The following EBF1 variants were observed in gnomAD, a reference collection of about 807,000 sequenced individuals.
The protein encoded by EBF1 is transcription factor COE1.
A neutral mutation model predicts 68.4 loss-of-function variants in EBF1; 10 were observed. That is an observed-to-expected ratio of 0.15 (90% CI 0.09 to 0.25). EBF1 has a LOEUF of 0.25. Ranked by LOEUF, EBF1 falls within the 10% of genes least tolerant of loss-of-function variation. The probability of loss-of-function intolerance (pLI) is 1.00; values close to 1 mark genes in which losing one functional copy is unlikely to be tolerated. For synonymous variants in EBF1, 298 were observed against 299.8 expected (o/e 0.99, Z 0.06); for missense variants, 509 against 794.4 (o/e 0.64, Z 4.32).
chr5:158,931,154 T>C (rs1300312786), intron 6 of EBF1, among the ~76,000 whole-genome samples: 3 of 152,252 alleles, frequency 2.0e-5, no homozygotes, highest in Non-Finnish European at 2.9e-5. Context: ...CCCACTAAGC[T>C]GCCCATTTCT....
At chr5:158,973,285 C>T (rs1756026033) in intron 6 of EBF1, among the ~76,000 whole-genome samples, 1 of 152,128 alleles carries the variant, frequency 6.6e-6, no homozygotes, top group East Asian at 1.9e-4. Context: ...TTTCCACCCT[C>T]TTGATGCACC....
chr5:158,931,935 C>T (rs1464616242), intron 6 of EBF1, among the ~76,000 whole-genome samples: 7 of 145,316 alleles, frequency 4.8e-5, no homozygotes, highest in Admixed American at 4.6e-4. Context: ...CTTCTCTTCA[C>T]AGTTTTTTTT....
intron 6 of EBF1, among the ~76,000 whole-genome samples, chr5:158,941,662 G>A (rs1201208172): frequency 6.6e-6 from 1 of 152,106 alleles, no homozygotes; most frequent in Non-Finnish European, 1.5e-5. Context: ...TTGGTATAGT[G>A]GGGGTGTGAT....
At chr5:159,097,807 C>T (rs1562013280) in intron 1 of EBF1, among the ~76,000 whole-genome samples, 1 of 152,242 alleles carries the variant, frequency 6.6e-6, no homozygotes, top group Non-Finnish European at 1.5e-5. Flanking sequence ...TCCTCACACT[C>T]ATTCCAGAAA....
chr5:158,960,280 C>T (rs1203209822), intron 6 of EBF1, among the ~76,000 whole-genome samples: 5 of 151,962 alleles, frequency 3.3e-5, no homozygotes, highest in East Asian at 3.8e-4. Context: ...TCAAAAATTG[C>T]CACTTAAATA....
intron 6 of EBF1, among the ~76,000 whole-genome samples, chr5:158,872,304 C>T (rs1797021630): frequency 6.6e-6 from 1 of 151,882 alleles, no homozygotes; most frequent in Non-Finnish European, 1.5e-5. Context: ...TCCATCGATT[C>T]TCTTGTCTCA....
In EBF1 at chr5:158,699,299, G is replaced by A. The variant is rs143516330; in HGVS notation, c.1745-157C>T. Among the ~76,000 whole-genome samples, 489 of 151,412 alleles carry A rather than the reference G, an allele frequency of 3.2e-3. 3 individuals carry two copies. Among genetic ancestry groups the A allele is most frequent in the South Asian group, 8.5e-3 (41 of 4,800 alleles). On this transcript the variant is annotated intron_variant, in intron 15 of 15. Transcript: ENST00000313708. ...CTCATCTTCTCTGGAATGAATTTTC[G>A]TTATAAAATATACATGTGCTTTATT...
chr5:159,056,958 G>A (rs911795119), intron 6 of EBF1, among the ~76,000 whole-genome samples: 5 of 152,102 alleles, frequency 3.3e-5, no homozygotes, highest in Non-Finnish European at 5.9e-5. Context: ...TTGTCGCACG[G>A]TGTTATATGA....
At chr5:158,723,153 A>T (rs1762289539) in intron 11 of EBF1, among the ~76,000 whole-genome samples, 1 of 152,168 alleles carries the variant, frequency 6.6e-6, no homozygotes, top group East Asian at 1.9e-4. Context: ...GTCTGCATTT[A>T]CATGTGAATT....
chr5:158,972,918 G>C (rs933361306), intron 6 of EBF1, among the ~76,000 whole-genome samples: 1 of 152,186 alleles, frequency 6.6e-6, no homozygotes, highest in Non-Finnish European at 1.5e-5. Context: ...CTAGCTATCC[G>C]CAAGGCTCTG....
intron 6 of EBF1, among the ~76,000 whole-genome samples, chr5:159,027,673 A>G (rs1428493524): frequency 1.3e-5 from 2 of 152,288 alleles, no homozygotes; most frequent in South Asian, 2.1e-4. Flanking sequence ...GTTCTTTATC[A>G]TAGTCACTGC....
chr5:159,005,237 C>T (rs1243835278), intron 6 of EBF1, among the ~76,000 whole-genome samples: 1 of 152,140 alleles, frequency 6.6e-6, no homozygotes, highest in Non-Finnish European at 1.5e-5. Context: ...ATTTTAATAC[C>T]AGAGAATGAA....
At chr5:158,705,272 C>T (rs193110249) in intron 15 of EBF1, among the ~76,000 whole-genome samples, 6 of 152,336 alleles carry the variant, frequency 3.9e-5, no homozygotes, top group Admixed American at 2.6e-4. Context: ...TGAACCACCA[C>T]GCCCAGTCCA....
At chr5:158,913,662 C>T (rs758293130) in intron 6 of EBF1, among the ~76,000 whole-genome samples, 3 of 152,102 alleles carry the variant, frequency 2.0e-5, no homozygotes, top group South Asian at 2.1e-4. Context: ...AAAGGGCCCT[C>T]GGTATGGGTT....
At chr5:158,784,415 C>T (rs114328021) in intron 9 of EBF1, among the ~76,000 whole-genome samples, 1 of 152,236 alleles carries the variant, frequency 6.6e-6, no homozygotes, top group Non-Finnish European at 1.5e-5. Context: ...TTTTCCCATA[C>T]CTTGAAATGA....
chr5:158,844,190 T>TTA (rs1326232584), intron 6 of EBF1, among the ~76,000 whole-genome samples: 2 of 147,210 alleles, frequency 1.4e-5, no homozygotes, highest in African/African-American at 5.0e-5. Context: ...ACTCAAGCCT[T>TTA]TTTTTTTTTT....
At position 158,840,145 on chromosome 5, in the gene EBF1, G is replaced by A. The variant is rs775709258; in HGVS notation, c.555-35C>T. On this transcript the variant is annotated intron_variant, in intron 6 of 15. Transcript: ENST00000313708. ...AACAAATCATCATGGTTAGCATTTCGGTTTCTGACACGGGAGGGAAAAAAG... is the reference window on the plus strand; with the variant it reads ...AACAAATCATCATGGTTAGCATTTCAGTTTCTGACACGGGAGGGAAAAAAG... The A allele has an allele frequency of 1.8e-5, 28 of 1,556,012 alleles. No homozygotes were observed. In the East Asian group the frequency reaches 2.0e-4, roughly 11 times the overall value.
intron 7 of EBF1, among the ~76,000 whole-genome samples, chr5:158,824,824 C>T (rs1158669770): frequency 2.0e-5 from 3 of 152,246 alleles, no homozygotes; most frequent in Non-Finnish European, 2.9e-5. Flanking sequence ...CTGTCCTCCT[C>T]GTTGACCTAA....
chr5:159,087,339 CACACATATATATATACACAT>C (rs1780851743), intron 4 of EBF1, among the ~76,000 whole-genome samples: 2 of 135,728 alleles, frequency 1.5e-5, no homozygotes, highest in African/African-American at 5.8e-5. Flanking sequence ...TATATATACA[CACACATATATATATACACAT>C]ATATATATAC....
Sources: allele counts gnomAD v4.1 joint callset (sites outside exome capture counted in the v4.1 genomes callset), GRCh38; gene constraint gnomAD v4.1.1; transcripts MANE v1.5; gene names NCBI Gene and HGNC (gene_info 2026-07-23, HGNC 2026-07-21).